ROBO1: variants seen among roughly 807,000 people sequenced by gnomAD.
ROBO1 encodes roundabout homolog 1.
Under a neutral mutation model 195.9 loss-of-function variants are expected in ROBO1, and 149 were observed. The observed-to-expected ratio is 0.76, with a 90% CI of 0.67 to 0.87. The LOEUF is 0.87. Ranked by LOEUF, ROBO1 falls within the 40% of genes least tolerant of loss-of-function variation. The pLI is 0.00. For synonymous variants in ROBO1, 816 were observed against 733.2 expected (o/e 1.11, Z -1.82); for missense variants, 1,933 against 2,068.3 (o/e 0.93, Z 1.27).
intron 2 of ROBO1, among the ~76,000 whole-genome samples, chr3:79,451,692 G>C (rs1442661889): frequency 2.6e-5 from 4 of 152,124 alleles, no homozygotes; most frequent in Admixed American, 2.6e-4. Context: ...TTAAAATATG[G>C]TGAAGGTTAC....
chr3:79,287,350 G>T (rs2031949133), intron 2 of ROBO1, among the ~76,000 whole-genome samples: 1 of 152,082 alleles, frequency 6.6e-6, no homozygotes, highest in Non-Finnish European at 1.5e-5. Context: ...AGCCTGGTTT[G>T]AGTCACAGAT....
chr3:79,161,002 G>A (rs2080950615), intron 2 of ROBO1, among the ~76,000 whole-genome samples: 1 of 151,980 alleles, frequency 6.6e-6, no homozygotes. Context: ...ATGTCATTCT[G>A]ATAGATATGC....
At chr3:78,787,211 TACTGTTTTG>T (rs546105772) in intron 4 of ROBO1, among the ~76,000 whole-genome samples, 32 of 152,210 alleles carry the variant, frequency 2.1e-4, no homozygotes, top group Non-Finnish European at 4.0e-4. Flanking sequence ...TTATTAAACA[TACTGTTTTG>T]ACTGTTTAAT....
chr3:79,313,967 G>T (rs2109103757), intron 2 of ROBO1, among the ~76,000 whole-genome samples: 1 of 152,226 alleles, frequency 6.6e-6, no homozygotes, highest in Non-Finnish European at 1.5e-5. Context: ...AAACTCAGCA[G>T]CTTAGGCATT....
At chr3:79,453,019 T>G (rs2039497988) in intron 2 of ROBO1, among the ~76,000 whole-genome samples, 1 of 152,018 alleles carries the variant, frequency 6.6e-6, no homozygotes, top group Admixed American at 6.6e-5. Context: ...ATAAAGAATG[T>G]ATACACATAT....
At chr3:79,549,180 G>T (rs892660835) in intron 2 of ROBO1, among the ~76,000 whole-genome samples, 1 of 152,162 alleles carries the variant, frequency 6.6e-6, no homozygotes, top group Non-Finnish European at 1.5e-5. Context: ...GCATTAAATT[G>T]TTAATTCACT....
At chr3:79,726,409 AACG>A (rs1188597334) in intron 1 of ROBO1, among the ~76,000 whole-genome samples, 1 of 152,230 alleles carries the variant, frequency 6.6e-6, no homozygotes, top group Non-Finnish European at 1.5e-5. Context: ...TTGTTTTTGT[AACG>A]ACATCATATA....
chr3:79,108,889 A>T (rs1271825690), intron 3 of ROBO1, among the ~76,000 whole-genome samples: 1 of 152,006 alleles, frequency 6.6e-6, no homozygotes, highest in Non-Finnish European at 1.5e-5. Context: ...AAAAGAAATA[A>T]TGAACAAGCA....
At chr3:79,080,798 C>T (rs913901992) in intron 3 of ROBO1, among the ~76,000 whole-genome samples, 14 of 152,104 alleles carry the variant, frequency 9.2e-5, no homozygotes, top group African/African-American at 3.1e-4. Context: ...CAGTATCTCC[C>T]CAGTTGGATA....
At chr3:79,653,422 C>CATA (rs1560072400) in intron 1 of ROBO1, among the ~76,000 whole-genome samples, 2 of 151,858 alleles carry the variant, frequency 1.3e-5, no homozygotes, top group Non-Finnish European at 1.5e-5. Flanking sequence ...ATTTCACTGC[C>CATA]TTTTACTTCG....
rs146134984 is a variant in ROBO1, at chr3:79,322,429, G to T, written c.89-196890C>A. Among the ~76,000 whole-genome samples the T allele has an allele frequency of 9.3e-3, 1,413 of 152,216 alleles. 32 individuals carry two copies. Among genetic ancestry groups the T allele is most frequent in the African/African-American group, 0.031 (1,273 of 41,546 alleles). On this transcript the variant is annotated intron_variant, in intron 2 of 30. Transcript: ENST00000464233. Reference sequence around the variant, plus strand: ...AGCCCACTCTGGGAGGTCAAGAATGGCATCAAGAATGAAAAGATCTTGAAA... The same window carrying T: ...AGCCCACTCTGGGAGGTCAAGAATGTCATCAAGAATGAAAAGATCTTGAAA...
intron 1 of ROBO1, among the ~76,000 whole-genome samples, chr3:79,622,660 A>G (rs976870965): frequency 1.3e-5 from 2 of 152,322 alleles, no homozygotes; most frequent in South Asian, 4.1e-4. Context: ...CTCCAGCCAG[A>G]GGCTCAGGGA....
intron 1 of ROBO1, among the ~76,000 whole-genome samples, chr3:79,618,813 GT>G (rs926390601): frequency 2.0e-5 from 3 of 152,148 alleles, no homozygotes; most frequent in Non-Finnish European, 4.4e-5. Flanking sequence ...TTCAAATTGG[GT>G]AAGTGGTTTT....
intron 1 of ROBO1, among the ~76,000 whole-genome samples, chr3:79,660,751 T>C (rs543730849): frequency 9.2e-5 from 14 of 152,210 alleles, no homozygotes; most frequent in Non-Finnish European, 1.6e-4. Flanking sequence ...TGATTCTTGG[T>C]ATTCTAATAC....
chr3:79,054,777 TGGA>T (rs2108378911), intron 3 of ROBO1, among the ~76,000 whole-genome samples: 1 of 152,204 alleles, frequency 6.6e-6, no homozygotes, highest in Non-Finnish European at 1.5e-5. Flanking sequence ...ATGATATAGA[TGGA>T]ATCCCCCTGC....
intron 2 of ROBO1, among the ~76,000 whole-genome samples, chr3:79,255,846 CAT>C (rs1340842461): frequency 6.6e-6 from 1 of 152,106 alleles, no homozygotes; most frequent in African/African-American, 2.4e-5. Context: ...ATTACTTCCC[CAT>C]AAGTGAGGTA....
chr3:79,009,275 G>A (rs1275799575), intron 3 of ROBO1, among the ~76,000 whole-genome samples: 1 of 151,836 alleles, frequency 6.6e-6, no homozygotes, highest in Non-Finnish European at 1.5e-5. Flanking sequence ...TTAAGACAGT[G>A]TAAAAACCTT....
chr3:79,088,421 G>A (rs556580456), intron 3 of ROBO1, among the ~76,000 whole-genome samples: 1 of 152,052 alleles, frequency 6.6e-6, no homozygotes, highest in African/African-American at 2.4e-5. Flanking sequence ...TTAAATTGTA[G>A]TTCTTCGAGT....
At chr3:79,441,560 C>T (rs1248414586) in intron 2 of ROBO1, among the ~76,000 whole-genome samples, 1 of 151,992 alleles carries the variant, frequency 6.6e-6, no homozygotes, top group Admixed American at 6.6e-5. Flanking sequence ...TTTTTTACAG[C>T]GAGAAAATAG....
Sources: allele counts gnomAD v4.1 joint callset (sites outside exome capture counted in the v4.1 genomes callset), GRCh38; gene constraint gnomAD v4.1.1; transcripts MANE v1.5; gene names NCBI Gene and HGNC (gene_info 2026-07-23, HGNC 2026-07-21).